Variants in LCLAT1 observed in about 807,000 individuals in gnomAD.
LCLAT1 encodes 1-AGP acyltransferase 8.
LCLAT1 carries 11 observed loss-of-function variants against 30.7 expected under a neutral mutation model. The observed-to-expected ratio is 0.36, with a 90% confidence interval of 0.23 to 0.59. The LOEUF is 0.59. LCLAT1 is among the 20% of genes least tolerant of loss of function. The probability of loss-of-function intolerance (pLI) is 0.77; values close to 1 mark genes in which losing one functional copy is unlikely to be tolerated. For synonymous variants in LCLAT1, 155 were observed against 151.3 expected (o/e 1.02, Z -0.18); for missense variants, 402 against 458.6 (o/e 0.88, Z 1.13).
At chr2:30,459,869 A>G in intron 1 of LCLAT1, 1 of 545,778 alleles carries the variant, frequency 1.8e-6, no homozygotes, top group Non-Finnish European at 3.2e-6. Context: ...CTTTTCATTG[A>G]AAAATAAGCA....
intron 5 of LCLAT1, chr2:30,606,661 T>A (rs931521063): frequency 1.3e-5 from 2 of 149,312 alleles, no homozygotes; most frequent in African/African-American, 5.0e-5. Flanking sequence ...GCAATACCAT[T>A]CAGGACATAA....
intron 1 of LCLAT1, 55 bp from the exon 2 acceptor site, chr2:30,525,531 GA>G: frequency 7.4e-7 from 1 of 1,353,168 alleles, no homozygotes; most frequent in Non-Finnish European, 1.1e-6. Context: ...TCCTGAAATT[GA>G]ATTCGAGCCG....
chr2:30,457,686 A>G (rs917952121), intron 1 of LCLAT1, among the ~76,000 whole-genome samples: 2 of 152,178 alleles, frequency 1.3e-5, no homozygotes, highest in Admixed American at 1.3e-4. Flanking sequence ...TTAGAGTTAT[A>G]GATAGAGGTG....
chr2:30,563,959 C>A (rs1226432536), intron 4 of LCLAT1, among the ~76,000 whole-genome samples: 1 of 152,130 alleles, frequency 6.6e-6, no homozygotes, highest in African/African-American at 2.4e-5. Flanking sequence ...CTAGTCAGAT[C>A]TCTAAAATGT....
intron 1 of LCLAT1, among the ~76,000 whole-genome samples, chr2:30,502,181 ACT>A (rs1391744951): frequency 4.0e-5 from 6 of 151,608 alleles, no homozygotes; most frequent in African/African-American, 1.5e-4. Context: ...CAGTGATTTC[ACT>A]CTCTAGTTTT....
intron 1 of LCLAT1, among the ~76,000 whole-genome samples, chr2:30,508,580 C>T (rs1378471857): frequency 6.6e-6 from 1 of 152,092 alleles, no homozygotes; most frequent in Admixed American, 6.5e-5. Context: ...TGCCTTATTT[C>T]TGGGTTCTCT....
chr2:30,628,616 A>C (rs572748814), intron 5 of LCLAT1, among the ~76,000 whole-genome samples: 8 of 152,290 alleles, frequency 5.3e-5, no homozygotes, highest in African/African-American at 1.9e-4. Context: ...AGATATCTAT[A>C]TATGTGAGAA....
chr2:30,633,433 A>C (rs1226697884), intron 5 of LCLAT1, among the ~76,000 whole-genome samples: 1 of 152,212 alleles, frequency 6.6e-6, no homozygotes, highest in Non-Finnish European at 1.5e-5. Flanking sequence ...TCACGCCTGT[A>C]ATCTCAGCAC....
At position 30,479,773 on chromosome 2, in the gene LCLAT1, G is replaced by T. The variant is rs536740258; in HGVS notation, c.-5+32390G>T. Among the ~76,000 whole-genome samples, 5 of 152,264 alleles carry T rather than the reference G, an allele frequency of 3.3e-5. No individual in the cohort carries two copies. In the South Asian group the frequency reaches 1.0e-3, roughly 32 times the overall value. ...TTTGTGTATTTTACTGAACACTACA[G>T]TTTTAAGAAGGCTGAAAGTATGTAC... On this transcript the variant is annotated intron_variant, in intron 1 of 5. Coordinates refer to ENST00000379509, the MANE Select transcript of LCLAT1 (RefSeq NM_001002257.3).
chr2:30,466,593 A>G (rs1254846402), intron 1 of LCLAT1, among the ~76,000 whole-genome samples: 1 of 152,180 alleles, frequency 6.6e-6, no homozygotes, highest in East Asian at 1.9e-4. Flanking sequence ...AACTTTTGAT[A>G]TGCGATGTCT....
At position 30,568,190 on chromosome 2, in the gene LCLAT1, T is replaced by G. The variant is rs753712407; in HGVS notation, c.628+14T>G. 2.8e-6 allele frequency: 4 copies of G among 1,432,952 alleles called. No individual in the cohort carries two copies. Among genetic ancestry groups the G allele is most frequent in the Non-Finnish European group, 3.8e-6 (4 of 1,039,852 alleles). The allele number at this position is 1,432,952 out of a possible 1,614,324, so 88.8% of individuals were successfully genotyped here. A position where few individuals can be genotyped will look rare whatever the true frequency, so the allele number is the denominator to read the frequency against. On this transcript the variant is annotated intron_variant, in intron 5 of 5. Coordinates refer to ENST00000379509, the MANE Select transcript of LCLAT1 (RefSeq NM_001002257.3). ...GTCTAAGAGAAGGTAAGCACCCATT[T>G]CAAAATGTACTTTTTAATAAAAGTG...
At chr2:30,448,030 G>A (rs1026875496) in intron 1 of LCLAT1, among the ~76,000 whole-genome samples, 1 of 152,354 alleles carries the variant, frequency 6.6e-6, no homozygotes, top group East Asian at 1.9e-4. Context: ...AAGAAAAGAA[G>A]TTGAAAGATA....
intron 3 of LCLAT1, among the ~76,000 whole-genome samples, chr2:30,538,144 A>G (rs907234462): frequency 6.6e-6 from 1 of 152,210 alleles, no homozygotes; most frequent in African/African-American, 2.4e-5. Context: ...TTTCAAATAA[A>G]TAACCTAATA....
At position 30,501,911 on chromosome 2, in the gene LCLAT1, T is replaced by A. The variant is rs1306311990; in HGVS notation, c.-4-23676T>A. 2.6e-5 allele frequency among the ~76,000 whole-genome samples: 4 copies of A among 152,244 alleles called. No individual in the cohort carries two copies. In the East Asian group the frequency reaches 7.7e-4, roughly 29 times the overall value. ...ATAATTCAAATTTTATACTTTATGT[T>A]AGTGGCTAATGCTACCCTCAGTGAT... On this transcript the variant is annotated intron_variant, in intron 1 of 5. Transcript: ENST00000379509.
At chr2:30,627,948 T>C (rs1444380491) in intron 5 of LCLAT1, among the ~76,000 whole-genome samples, 1 of 152,152 alleles carries the variant, frequency 6.6e-6, no homozygotes, top group Non-Finnish European at 1.5e-5. Flanking sequence ...TAAATGTTAA[T>C]GAAAGCAATA....
At chr2:30,637,553 T>C (rs1042098441) in intron 5 of LCLAT1, among the ~76,000 whole-genome samples, 3 of 152,164 alleles carry the variant, frequency 2.0e-5, no homozygotes, top group African/African-American at 7.2e-5. Context: ...TCACAAAGCT[T>C]TTCCCATGGG....
chr2:30,586,596 G>A (rs4951996), intron 5 of LCLAT1, among the ~76,000 whole-genome samples: 19,384 of 152,168 alleles, frequency 0.13, 1,368 homozygotes, highest in South Asian at 0.23. Flanking sequence ...TGGGGTTCCA[G>A]TAAACATTAA....
At chr2:30,633,890 A>T (rs1012630595) in intron 5 of LCLAT1, among the ~76,000 whole-genome samples, 5 of 152,202 alleles carry the variant, frequency 3.3e-5, no homozygotes, top group Non-Finnish European at 7.3e-5. Context: ...TGTAGAGACT[A>T]CAAAAGCCTC....
At chr2:30,499,847 CTA>C (rs1381969693) in intron 1 of LCLAT1, among the ~76,000 whole-genome samples, 1 of 152,096 alleles carries the variant, frequency 6.6e-6, no homozygotes, top group African/African-American at 2.4e-5. Context: ...GTCACATTAA[CTA>C]TGTTTTTATT....
Sources: allele counts gnomAD v4.1 joint callset (sites outside exome capture counted in the v4.1 genomes callset), GRCh38; gene constraint gnomAD v4.1.1; transcripts MANE v1.5; gene names NCBI Gene and HGNC (gene_info 2026-07-23, HGNC 2026-07-21).